C6: variants seen among roughly 807,000 people sequenced by gnomAD.
The protein encoded by C6 is complement C6, also known as complement component C6.
C6 carries 101 observed loss-of-function variants against 112.9 expected under a neutral mutation model. The observed-to-expected ratio is 0.89, with a 90% CI of 0.76 to 1.06. The LOEUF (loss-of-function observed/expected upper bound fraction) is 1.06, where lower values mean the gene tolerates loss of function less well. Among genes scored for constraint, C6 ranks in the 50% least tolerant of loss-of-function variants. The pLI is 0.00. For missense variants in C6, 1,202 were observed against 1,104.6 expected (o/e 1.09, Z -1.25); for synonymous variants, 431 against 384.1 (o/e 1.12, Z -1.43).
At chr5:41,158,832 C>T (rs1453344197) in intron 12 of C6, 47 bp from the exon 13 acceptor site, 1 of 1,134,544 alleles carries the variant, frequency 8.8e-7, no homozygotes. Flanking sequence ...TATGTACACA[C>T]ATTTACATGT....
chr5:41,201,712 T>A lies in C6; in HGVS notation c.146A>T (p.Gln49Leu), dbSNP rs774505498. The change falls in exon 3 of 18, where the codon CAA (glutamine) becomes CTA (leucine). Residue 49 changes from glutamine (Q) to leucine (L), a missense_variant and splice_region_variant. Coordinates refer to ENST00000337836, the MANE Select transcript of C6 (RefSeq NM_000065.5). ...CNSGTQSRHR[Q>L]IVVDKYYQEN... ...CTGGTAGTACTTATCTACTACTATT[T>A]GTCTGTAACCATGAAGAAGAAGTTG... is the stretch of plus-strand genomic sequence containing the variant. 3.1e-6 allele frequency: 5 copies of A among 1,613,418 alleles called. No homozygotes were observed. The highest frequency in any genetic ancestry group is 4.2e-6 in the Non-Finnish European group (5 of 1,179,520).
In C6 at chr5:41,191,067, C is replaced by CTTTTTTTT. The variant is rs142519688; in HGVS notation, c.587+4717_587+4724dup. 1.0e-3 allele frequency among the ~76,000 whole-genome samples: 88 copies of CTTTTTTTT among 84,732 alleles called. 4 individuals are homozygous for CTTTTTTTT. The highest frequency in any genetic ancestry group is 1.6e-3 in the African/African-American group (33 of 20,074). 55.6% of individuals were successfully genotyped at this position (84,732 alleles called of 152,430 possible). On this transcript the variant is annotated intron_variant, in intron 5 of 17. Coordinates refer to ENST00000337836, the MANE Select transcript of C6 (RefSeq NM_000065.5). Reference sequence around the variant, plus strand: ...AAATGTAGTAGTGTGATGCCTTTGGCTTTTTTTTTTTTTTTTTTTTGCAGA... The same window carrying CTTTTTTTT: ...AAATGTAGTAGTGTGATGCCTTTGGCTTTTTTTTTTTTTTTTTTTTTTTTTTTTGCAGA...
chr5:41,149,259 C>T lies in C6; in HGVS notation c.2605G>A (p.Asp869Asn), dbSNP rs115220610. The part of the protein sequence containing the change: ...KESCGYDTCY[D>N]WEKCSASTSK... Reference sequence around the variant, plus strand: ...AACTTACCTGAACATTTTTCCCAGTCATAGCAGGTGTCATAGCCACAGGAT... The same window carrying T: ...AACTTACCTGAACATTTTTCCCAGTTATAGCAGGTGTCATAGCCACAGGAT... Residue 869 changes from aspartate to asparagine, a missense_variant, in exon 17 of 18, where the codon GAC (aspartate) becomes AAC (asparagine). By Grantham distance (23) the Asp-to-Asn change is conservative. Transcript: ENST00000337836. 6.3e-5 allele frequency: 102 copies of T among 1,614,030 alleles called. No individual in the cohort carries two copies. Among genetic ancestry groups the T allele is most frequent in the Non-Finnish European group, 7.8e-5 (92 of 1,179,950 alleles).
rs78300881 is a variant in C6 at position 41,187,094 on chromosome 5, C to T, written c.588-886G>A. ...CTTAAAAATATAAATTGTCAGTCTC[C>T]AAGTACATTTGACCAAATAACCTTG... On this transcript the variant is annotated intron_variant, in intron 5 of 17. Coordinates refer to ENST00000337836, the MANE Select transcript of C6 (RefSeq NM_000065.5). 1.4e-3 allele frequency among the ~76,000 whole-genome samples: 208 copies of T among 152,232 alleles called. 6 individuals are homozygous for T. In the East Asian group the frequency reaches 0.038, roughly 28 times the overall value.
At chr5:41,258,647 C>T (rs1031733267) in intron 1 of C6, among the ~76,000 whole-genome samples, 7 of 152,260 alleles carry the variant, frequency 4.6e-5, no homozygotes, top group Admixed American at 1.3e-4. Flanking sequence ...CACATCTATA[C>T]GTACTGTATT....
At position 41,176,456 on chromosome 5, in the gene C6, G is replaced by A. The variant is rs2150311324; in HGVS notation, c.1168+19C>T. The A allele has an allele frequency of 6.2e-7, 1 of 1,611,830 alleles. No individual in the cohort carries two copies. Reference sequence around the variant, plus strand: ...TGCTATCATACCAGTTAAAAAGAGTGAGGACTGAAGAAAGTTACCTGAGTT... The same window carrying A: ...TGCTATCATACCAGTTAAAAAGAGTAAGGACTGAAGAAAGTTACCTGAGTT... On this transcript the variant is annotated intron_variant, in intron 8 of 17. Coordinates refer to ENST00000337836, the MANE Select transcript of C6 (RefSeq NM_000065.5).
chr5:41,250,063 C>A (rs760863139), intron 1 of C6, among the ~76,000 whole-genome samples: 1 of 152,184 alleles, frequency 6.6e-6, no homozygotes, highest in Non-Finnish European at 1.5e-5. Flanking sequence ...TCCTTCCCAC[C>A]TTGTGGTCAA....
Position 41,149,437 on chromosome 5 carries a change from A to G in C6, c.2427T>C (p.Asp809=). The change falls in exon 17 of 18, where the codon GAT becomes GAC. Residue 809 remains aspartate, a synonymous_variant. Coordinates refer to ENST00000337836, the MANE Select transcript of C6 (RefSeq NM_000065.5). ...ACTTACAAGCGGGTGAAGTAAAGTA[A>G]TCGTTGGAGTCTGTGTCAAACACAC... ...DLCVFDTDSN[D]YFTSPACKFL... is the part of the protein sequence containing the mutation. The G allele has an allele frequency of 6.2e-7, 1 of 1,614,094 alleles. No individual in the cohort carries two copies. Among genetic ancestry groups the G allele is most frequent in the Non-Finnish European group, 8.5e-7 (1 of 1,179,966 alleles).
At chr5:41,161,567 G>T in intron 10 of C6, 126 bp downstream of exon 10, 1 of 815,616 alleles carries the variant, frequency 1.2e-6, no homozygotes. Flanking sequence ...CATTGTGCAT[G>T]AATACTAAAG....
intron 14 of C6, among the ~76,000 whole-genome samples, chr5:41,154,700 G>A (rs2150246870): frequency 6.6e-6 from 1 of 152,298 alleles, no homozygotes; most frequent in Non-Finnish European, 1.5e-5. Context: ...ACAGCTTGCA[G>A]ACTTCCTGGA....
chr5:41,249,383 TAAC>T (rs1741205815), intron 1 of C6, among the ~76,000 whole-genome samples: 1 of 152,270 alleles, frequency 6.6e-6, no homozygotes, highest in East Asian at 1.9e-4. Context: ...GTTAAAATAA[TAAC>T]AATTTAAATG....
chr5:41,146,816 G>A (rs750484046), intron 17 of C6, among the ~76,000 whole-genome samples: 7 of 151,840 alleles, frequency 4.6e-5, no homozygotes, highest in African/African-American at 1.4e-4. Flanking sequence ...CAGCAAAGCG[G>A]TAATAGTAAA....
chr5:41,180,438 A>G (rs1269971361), intron 7 of C6, among the ~76,000 whole-genome samples: 7 of 152,174 alleles, frequency 4.6e-5, no homozygotes, highest in Non-Finnish European at 8.8e-5. Context: ...AAATCATTTA[A>G]ACACTGTGAG....
In C6 at chr5:41,203,081, C is replaced by T; in HGVS notation, c.143+7G>A. 6.2e-7 allele frequency: 1 copy of T among 1,613,848 alleles called. No homozygotes were observed. Among genetic ancestry groups the T allele is most frequent in the Non-Finnish European group, 8.5e-7 (1 of 1,179,876 alleles). ...ACACAAAGAAAAGCCACAAAGCTCA[C>T]ACCCACCTGTGTCTGCTCTGGGTTC... On this transcript the variant is annotated splice_region_variant and intron_variant, in intron 2 of 17. Coordinates refer to ENST00000337836, the MANE Select transcript of C6 (RefSeq NM_000065.5).
At chr5:41,200,157 A>G (rs1302807710) in intron 3 of C6, among the ~76,000 whole-genome samples, 1 of 152,174 alleles carries the variant, frequency 6.6e-6, no homozygotes, top group Non-Finnish European at 1.5e-5. Flanking sequence ...GCTTCTTATA[A>G]CTCTGAAACC....
At chr5:41,223,720 AG>A (rs1255810114) in intron 1 of C6, among the ~76,000 whole-genome samples, 40 of 152,192 alleles carry the variant, frequency 2.6e-4, no homozygotes, top group African/African-American at 9.4e-4. Context: ...TTTTAAACCA[AG>A]TATAGTAATC....
At chr5:41,235,146 T>A (rs1381659246) in intron 1 of C6, among the ~76,000 whole-genome samples, 3 of 146,980 alleles carry the variant, frequency 2.0e-5, no homozygotes, top group Admixed American at 6.8e-5. Flanking sequence ...TACATATGCA[T>A]ACATGTGCCA....
chr5:41,223,647 G>A (rs1739311423), intron 1 of C6, among the ~76,000 whole-genome samples: 2 of 152,172 alleles, frequency 1.3e-5, no homozygotes, highest in Non-Finnish European at 1.5e-5. Context: ...AGGCTTAGAT[G>A]TATGAAAGAT....
At chr5:41,158,837 A>T (rs774130582) in intron 12 of C6, 52 bp from the exon 13 acceptor site, 1 of 1,103,108 alleles carries the variant, frequency 9.1e-7, no homozygotes, top group South Asian at 1.2e-5. Context: ...ACACACATTT[A>T]CATGTGTGTA....
Sources: gnomAD v4.1 joint callset for allele counts (sites outside exome capture counted in the v4.1 genomes callset) on GRCh38, gnomAD v4.1.1 for gene constraint, MANE v1.5 for transcripts, NCBI Gene and HGNC (gene_info 2026-07-23, HGNC 2026-07-21) for gene names.